The following MYO6 variants were observed in gnomAD, a reference collection of about 807,000 sequenced individuals.
MYO6 encodes the protein unconventional myosin-VI.
MYO6 carries 74 observed loss-of-function variants against 178.7 expected under a neutral mutation model. That is an observed-to-expected ratio of 0.41 (90% confidence interval 0.34 to 0.50). The LOEUF is 0.50. MYO6 is among the 20% of genes least tolerant of loss of function. The pLI is 0.09. For missense variants in MYO6, 1,330 were observed against 1,547.4 expected (o/e 0.86, Z 2.36); for synonymous variants, 477 against 504.6 (o/e 0.95, Z 0.73).
Position 75,832,912 on chromosome 6 carries a change from A to G in MYO6, c.462A>G (p.Gly154=). 2.5e-6 allele frequency: 4 copies of G among 1,614,050 alleles called. No individual in the cohort carries two copies. In the South Asian group the frequency reaches 4.4e-5, roughly 18 times the overall value. ...SQSIIVSGES[G]AGKTENTKFV... is the part of the protein sequence containing the mutation. ...CTATCATTGTATCTGGAGAATCAGG[A>G]GCCGGCAAAACAGAAAATACAAAAT... Residue 154 remains glycine, a synonymous_variant, in exon 6 of 35, where the codon GGA becomes GGG. Transcript: ENST00000369977.
At chr6:75,776,245 T>G (rs1478137534) in intron 1 of MYO6, among the ~76,000 whole-genome samples, 2 of 150,820 alleles carry the variant, frequency 1.3e-5, no homozygotes, top group Non-Finnish European at 2.9e-5. Context: ...GTGAATATAT[T>G]GTCACTTTTT....
At chr6:75,866,785 A>G in intron 17 of MYO6, 147 bp from the exon 18 acceptor site, 1 of 1,040,478 alleles carries the variant, frequency 9.6e-7, no homozygotes, top group East Asian at 2.5e-5. Flanking sequence ...TCAGGTGCCC[A>G]GTGTCCACAC....
At chr6:75,817,469 T>C (rs1771392327) in intron 1 of MYO6, 32 bp from the exon 2 acceptor site, 5 of 1,078,524 alleles carry the variant, frequency 4.6e-6, no homozygotes, top group Non-Finnish European at 5.8e-6. Flanking sequence ...TCAAAACTGA[T>C]TCATGTTGCT....
chr6:75,905,532 C>T (rs1214610650), intron 30 of MYO6, among the ~76,000 whole-genome samples: 1 of 152,242 alleles, frequency 6.6e-6, no homozygotes, highest in Non-Finnish European at 1.5e-5. Flanking sequence ...AACTCCCTGA[C>T]CCCTTGCTCT....
chr6:75,798,234 T>C (rs1407490364), intron 1 of MYO6, among the ~76,000 whole-genome samples: 1 of 152,232 alleles, frequency 6.6e-6, no homozygotes, highest in South Asian at 2.1e-4. Flanking sequence ...ATTTATTGAA[T>C]AGAGAGTCCT....
At chr6:75,750,046 T>A (rs1776714836) in intron 1 of MYO6, among the ~76,000 whole-genome samples, 2 of 152,086 alleles carry the variant, frequency 1.3e-5, no homozygotes, top group Non-Finnish European at 2.9e-5. Context: ...GGGTTATTGC[T>A]AGAACATCCG....
In MYO6 at chr6:75,866,941, G is replaced by A. The variant is rs1400317096; in HGVS notation, c.1780G>A (p.Val594Met). The part of the protein sequence containing the change: ...GAVCYETTQF[V>M]EKNNDALHMS... Reference sequence around the variant, plus strand: ...TTGATTTATTTTTCAGACCCAGTTTGTGGAGAAAAATAATGATGCTTTACA... The same window carrying A: ...TTGATTTATTTTTCAGACCCAGTTTATGGAGAAAAATAATGATGCTTTACA... Residue 594 changes from valine to methionine, a missense_variant, in exon 18 of 35, where the codon GTG becomes ATG. Around this residue, in one of 3 missense-constraint regions of MYO6, gnomAD observed 613 missense variants for 816.8 expected, o/e 0.75. Coordinates refer to ENST00000369977, the MANE Select transcript of MYO6 (RefSeq NM_004999.4). The A allele has an allele frequency of 6.2e-7, 1 of 1,613,828 alleles. No homozygotes were observed. The highest frequency in any genetic ancestry group is 8.5e-7 in the Non-Finnish European group (1 of 1,179,856).
chr6:75,758,524 C>CG (rs1777668183), intron 1 of MYO6, among the ~76,000 whole-genome samples: 1 of 151,446 alleles, frequency 6.6e-6, no homozygotes, highest in African/African-American at 2.4e-5. Flanking sequence ...GCAGTGTTGC[C>CG]ATCTCAGCTC....
rs183139701 is a variant in MYO6 at position 75,887,707 on chromosome 6, G to T, written c.2658+713G>T. Among the ~76,000 whole-genome samples, 599 of 144,438 alleles carry T rather than the reference G, an allele frequency of 4.1e-3. 8 individuals are homozygous for T. The highest frequency in any genetic ancestry group is 0.014 in the African/African-American group (563 of 39,098). The allele number at this position is 144,438 out of a possible 152,430, so 94.8% of individuals were successfully genotyped here. On this transcript the variant is annotated intron_variant, in intron 25 of 34. Transcript: ENST00000369977. ...AAAAGAAAATGGCCGGGCACGGTGGGTCACGCCTGTAATCCCAGCACTTTG... is the reference window on the plus strand; with the variant it reads ...AAAAGAAAATGGCCGGGCACGGTGGTTCACGCCTGTAATCCCAGCACTTTG...
chr6:75,892,509 A>G (rs371747270), intron 27 of MYO6, 21 bp from the exon 28 acceptor site: 295 of 1,613,860 alleles, frequency 1.8e-4, no homozygotes, highest in Non-Finnish European at 2.4e-4. Context: ...TCTTGGTGAA[A>G]TAGCTTTCTG....
chr6:75,848,193 A>G (rs1336419851), intron 10 of MYO6, among the ~76,000 whole-genome samples, 158 bp from the exon 11 acceptor site: 1 of 152,174 alleles, frequency 6.6e-6, no homozygotes, highest in Non-Finnish European at 1.5e-5. Context: ...TATACTTTTC[A>G]TGGTCATTTA....
chr6:75,866,933 C>T lies in MYO6; in HGVS notation c.1772C>T (p.Thr591Ile), dbSNP rs376474134. The T allele has an allele frequency of 6.3e-5, 102 of 1,613,506 alleles. No homozygotes were observed. The highest frequency in any genetic ancestry group is 7.7e-5 in the Non-Finnish European group (91 of 1,179,704). Residue 591 changes from threonine to isoleucine, a missense_variant and splice_region_variant, in exon 18 of 35, where the codon ACC (threonine) becomes ATC (isoleucine). Thr to Ile is a moderately conservative substitution (Grantham distance 89). Coordinates refer to ENST00000369977, the MANE Select transcript of MYO6 (RefSeq NM_004999.4). Reference protein sequence around the residue: ...HFAGAVCYETTQFVEKNNDAL... With the variant: ...HFAGAVCYETIQFVEKNNDAL... ...ATTCCTGTTTGATTTATTTTTCAGA[C>T]CCAGTTTGTGGAGAAAAATAATGAT...
intron 32 of MYO6, among the ~76,000 whole-genome samples, 184 bp from the exon 33 acceptor site, chr6:75,911,488 A>C (rs974634559): frequency 6.6e-6 from 1 of 151,980 alleles, no homozygotes; most frequent in African/African-American, 2.4e-5. Flanking sequence ...GAGTCAAAAT[A>C]GCCTTTTAAA....
intron 1 of MYO6, among the ~76,000 whole-genome samples, chr6:75,768,586 T>C (rs1778650404): frequency 6.6e-6 from 1 of 152,078 alleles, no homozygotes; most frequent in East Asian, 1.9e-4. Context: ...TTCACCATGT[T>C]GGCCAGGTTG....
At chr6:75,775,801 T>C (rs3798453) in intron 1 of MYO6, among the ~76,000 whole-genome samples, 8,388 of 152,266 alleles carry the variant, frequency 0.055, 510 homozygotes, top group African/African-American at 0.15. Flanking sequence ...ATAGAGCTAC[T>C]ATTATGCAGG....
intron 3 of MYO6, among the ~76,000 whole-genome samples, chr6:75,825,895 T>G (rs755610189): frequency 6.6e-6 from 1 of 152,158 alleles, no homozygotes; most frequent in Non-Finnish European, 1.5e-5. Flanking sequence ...ATAAAGAAAC[T>G]AATTGTTTAT....
At chr6:75,757,099 T>C (rs934508395) in intron 1 of MYO6, among the ~76,000 whole-genome samples, 53 of 147,238 alleles carry the variant, frequency 3.6e-4, no homozygotes, top group African/African-American at 1.2e-3. Flanking sequence ...ATACGCAATA[T>C]GTATTGTGTA....
intron 1 of MYO6, among the ~76,000 whole-genome samples, chr6:75,804,484 G>T (rs1397502874): frequency 6.6e-6 from 1 of 152,066 alleles, no homozygotes; most frequent in African/African-American, 2.4e-5. Flanking sequence ...AGGCAAACTT[G>T]ATAGATCTAC....
intron 24 of MYO6, 52 bp from the exon 25 acceptor site, chr6:75,886,792 C>T: frequency 6.4e-7 from 1 of 1,565,288 alleles, no homozygotes; most frequent in Non-Finnish European, 8.8e-7. Context: ...GAAAAATCTG[C>T]CAAAAGTACT....
Sources: gnomAD v4.1 joint callset for allele counts (sites outside exome capture counted in the v4.1 genomes callset) on GRCh38, gnomAD v4.1.1 for gene constraint, gnomAD v4.1.1 regional missense constraint, MANE v1.5 for transcripts, NCBI Gene and HGNC (gene_info 2026-07-23, HGNC 2026-07-21) for gene names.